MAP3K13: variants seen among roughly 807,000 people sequenced by gnomAD.
MAP3K13 encodes the protein leucine zipper-bearing kinase.
In MAP3K13, 52 loss-of-function variants were observed where a neutral mutation model predicts 104.0. That is an observed-to-expected ratio of 0.50 (90% CI 0.40 to 0.63). The LOEUF (loss-of-function observed/expected upper bound fraction) is 0.63, where lower values mean the gene tolerates loss of function less well. Among genes scored for constraint, MAP3K13 ranks in the 20% least tolerant of loss-of-function variants. The pLI, the probability that MAP3K13 is intolerant of heterozygous loss-of-function variation, is 0.00. For synonymous variants in MAP3K13, 394 were observed against 442.2 expected, an observed-to-expected ratio of 0.89 and a Z score of 1.37; for missense variants, 914 against 1,218.5, an observed-to-expected ratio of 0.75 and a Z score of 3.72.
Position 185,477,380 on chromosome 3 carries a change from T to C in MAP3K13, c.2485T>C (p.Phe829Leu). 1 of 1,612,942 alleles carries C rather than the reference T, an allele frequency of 6.2e-7. No homozygotes were observed. Among genetic ancestry groups the C allele is most frequent in the Non-Finnish European group, 8.5e-7 (1 of 1,178,932 alleles). The change falls in exon 12 of 14, where the codon TTT (phenylalanine) becomes CTT (leucine). Residue 829 changes from phenylalanine to leucine, a missense_variant. Transcript: ENST00000265026. ...EEGEVDSEVE[F>L]PRRQRPHRCI... is the part of the protein sequence containing the mutation. ...AGGGGAAGTAGATAGTGAAGTTGAA[T>C]TTCCACGAAGACAGAGGTAAAACCA... is the stretch of plus-strand genomic sequence containing the variant.
chr3:185,477,298 T>C, intron 11 of MAP3K13, 28 bp from the exon 12 acceptor site: 1 of 1,453,968 alleles, frequency 6.9e-7, no homozygotes, highest in Non-Finnish European at 9.7e-7. Flanking sequence ...CTAAAATAAA[T>C]AAAACTCTTA....
chr3:185,329,376 C>T (rs1332730931), intron 2 of MAP3K13: 5 of 603,350 alleles, frequency 8.3e-6, no homozygotes, highest in Non-Finnish European at 1.5e-5. Flanking sequence ...AAATATTTAG[C>T]AGTCTCTCAG....
intron 1 of MAP3K13, among the ~76,000 whole-genome samples, chr3:185,427,826 C>T (rs1224135875): frequency 6.6e-6 from 1 of 152,100 alleles, no homozygotes; most frequent in East Asian, 1.9e-4. Context: ...CGCCTGTAAT[C>T]CCAACACTTT....
At chr3:185,295,384 T>C (rs9870586) in intron 2 of MAP3K13, among the ~76,000 whole-genome samples, 103,819 of 152,032 alleles carry the variant, frequency 0.68, 36,834 homozygotes, top group Non-Finnish European at 0.78. Context: ...TTTGTATTTT[T>C]AGTAGAGATG....
upstream of MAP3K13, among the ~76,000 whole-genome samples, chr3:185,361,098 A>ATGTGTGTGTG (rs34760922): frequency 1.1e-4 from 16 of 146,690 alleles, no homozygotes; most frequent in African/African-American, 4.0e-4. Context: ...ATATATATAT[A>ATGTGTGTGTG]TGTGTGTGTG....
intron 9 of MAP3K13, 67 bp from the exon 10 acceptor site, chr3:185,466,759 T>G: frequency 1.3e-6 from 2 of 1,569,018 alleles, no homozygotes; most frequent in Non-Finnish European, 1.8e-6. Context: ...AATTAGCCGG[T>G]GAAAATATTC....
At chr3:185,343,328 C>T (rs1023758838) in intron 2 of MAP3K13, among the ~76,000 whole-genome samples, 5 of 152,166 alleles carry the variant, frequency 3.3e-5, no homozygotes, top group Admixed American at 6.5e-5. Context: ...TACACAAATC[C>T]TACTTGCAGG....
chr3:185,292,704 T>C (rs534559146), intron 2 of MAP3K13: 2 of 985,432 alleles, frequency 2.0e-6, no homozygotes, highest in Admixed American at 6.1e-5. Flanking sequence ...ACTGAAAGCA[T>C]GTACCATGTC....
chr3:185,387,852 T>C (rs187564003), intron 1 of MAP3K13, among the ~76,000 whole-genome samples: 1 of 152,102 alleles, frequency 6.6e-6, no homozygotes, highest in Admixed American at 6.5e-5. Context: ...AGCATCCAAA[T>C]TGGAAAAGAG....
chr3:185,431,723 A>G (rs2148885431), intron 2 of MAP3K13, among the ~76,000 whole-genome samples: 1 of 152,358 alleles, frequency 6.6e-6, no homozygotes, highest in East Asian at 1.9e-4. Context: ...AACAGCCAGC[A>G]GACTTCAGTT....
intron 7 of MAP3K13, among the ~76,000 whole-genome samples, chr3:185,460,486 A>G (rs1200768894): frequency 6.6e-6 from 1 of 152,130 alleles, no homozygotes; most frequent in Admixed American, 6.5e-5. Context: ...AGGCTCATGC[A>G]GGACTCCTCC....
chr3:185,310,588 CATG>C (rs1452060910), intron 2 of MAP3K13, among the ~76,000 whole-genome samples: 1 of 151,986 alleles, frequency 6.6e-6, no homozygotes, highest in African/African-American at 2.4e-5. Flanking sequence ...AATAAAAAAA[CATG>C]ATATCTGGGA....
chr3:185,446,044 A>G (rs1290927361), intron 4 of MAP3K13, among the ~76,000 whole-genome samples: 1 of 152,200 alleles, frequency 6.6e-6, no homozygotes, highest in African/African-American at 2.4e-5. Context: ...TAAATTTTAC[A>G]TATTACGTGC....
At chr3:185,356,462 C>T (rs1443694402) in intron 2 of MAP3K13, among the ~76,000 whole-genome samples, 2 of 152,204 alleles carry the variant, frequency 1.3e-5, no homozygotes, top group African/African-American at 4.8e-5. Context: ...TGGCTTCAGA[C>T]AAGACTGAAG....
intron 2 of MAP3K13, among the ~76,000 whole-genome samples, chr3:185,346,325 C>T (rs543913565): frequency 1.3e-5 from 2 of 152,288 alleles, no homozygotes; most frequent in Non-Finnish European, 2.9e-5. Flanking sequence ...AATAAAATCA[C>T]CAGTCTCTCT....
chr3:185,462,543 T>G (rs1717167065), intron 7 of MAP3K13, among the ~76,000 whole-genome samples: 1 of 152,126 alleles, frequency 6.6e-6, no homozygotes, highest in Non-Finnish European at 1.5e-5. Flanking sequence ...GAGGCCAAAC[T>G]GGGTGGATCA....
In MAP3K13 at chr3:185,375,930, C is replaced by T. The variant is rs186912719; in HGVS notation, c.-86+12562C>T. Among the ~76,000 whole-genome samples, 145 of 152,228 alleles carry T rather than the reference C, an allele frequency of 9.5e-4. No individual in the cohort carries two copies. The Middle Eastern group carries it at 0.01, about 11-fold the overall frequency. On this transcript the variant is annotated intron_variant, in intron 1 of 13. Transcript: ENST00000265026. ...TAAATATTGACGCATAGTCGCTTTG[C>T]AAGAGTGAGAGCTCAAGTTAAGGCA...
chr3:185,418,422 T>C lies in MAP3K13; in HGVS notation c.-85-10075T>C. 1 of 1,608,642 alleles carries C rather than the reference T, an allele frequency of 6.2e-7. No individual in the cohort carries two copies. Among genetic ancestry groups the C allele is most frequent in the Non-Finnish European group, 8.5e-7 (1 of 1,176,758 alleles). On this transcript the variant is annotated intron_variant, in intron 1 of 13. Transcript: ENST00000265026. The surrounding 1 kb of genome is among the most constrained non-coding windows in gnomAD (Gnocchi z 4.5). The stretch of plus-strand genomic sequence containing the variant: ...GGGCAGAACAGATGGCATATCGTTT[T>C]TGGGTTGTGTTCACTCTACGATGCC...
chr3:185,467,851 T>C (rs575786593), intron 10 of MAP3K13, among the ~76,000 whole-genome samples: 35 of 151,332 alleles, frequency 2.3e-4, no homozygotes, highest in African/African-American at 7.3e-4. Flanking sequence ...AATTGGCTCA[T>C]GGTTCTGCAG....
Sources: allele counts gnomAD v4.1 joint callset (sites outside exome capture counted in the v4.1 genomes callset), GRCh38; gene constraint gnomAD v4.1.1; non-coding constraint Gnocchi (gnomAD v3.1); transcripts MANE v1.5; gene names NCBI Gene and HGNC (gene_info 2026-07-23, HGNC 2026-07-21).